RYR2: variants seen among roughly 807,000 people sequenced by gnomAD.
The protein encoded by RYR2 is ryanodine receptor 2.
A neutral mutation model predicts 601.1 loss-of-function variants in RYR2; 227 were observed. That is an observed-to-expected ratio of 0.38 (90% CI 0.34 to 0.42). The LOEUF is 0.42. Ranked by LOEUF, RYR2 falls within the 10% of genes least tolerant of loss-of-function variation. The pLI, the probability that RYR2 is intolerant of heterozygous loss-of-function variation, is 1.00. For synonymous variants in RYR2, 2,223 were observed against 2,175.1 expected (o/e 1.02, Z -0.61); for missense variants, 4,646 against 6,156.5 (o/e 0.75, Z 8.21).
chr1:237,731,377 A>C (rs540591535), intron 77 of RYR2, among the ~76,000 whole-genome samples: 1 of 152,308 alleles, frequency 6.6e-6, no homozygotes, highest in African/African-American at 2.4e-5. Flanking sequence ...ATATTTTTTA[A>C]GTTTTAAAAG....
chr1:237,674,065 A>G lies in RYR2; in HGVS notation c.8591-31A>G, dbSNP rs1159201583. On this transcript the variant is annotated intron_variant, in intron 58 of 104. Coordinates refer to ENST00000366574, the MANE Select transcript of RYR2 (RefSeq NM_001035.3). ...CATCTCAGATTCTTTTCAAATTACT[A>G]TGCTGTGTTCTTGTCCTGACATACT... 11 of 1,584,788 alleles carry G rather than the reference A, an allele frequency of 6.9e-6. No individual in the cohort carries two copies. The East Asian group carries it at 9.0e-5, about 13-fold the overall frequency.
intron 14 of RYR2, among the ~76,000 whole-genome samples, chr1:237,452,079 G>GTGTGTGTGTT (rs1185056675): frequency 5.1e-5 from 5 of 97,172 alleles, no homozygotes; most frequent in African/African-American, 1.5e-4. Flanking sequence ...ATAAAATTTT[G>GTGTGTGTGTT]TGTGTGTGTG....
chr1:237,511,552 G>C (rs1003571123), intron 23 of RYR2, 136 bp from the exon 24 acceptor site: 18 of 635,862 alleles, frequency 2.8e-5, no homozygotes, highest in Middle Eastern at 7.9e-4. Flanking sequence ...GAGAGGTTGT[G>C]GGGGCAGCTT....
At position 237,566,660 on chromosome 1, in the gene RYR2, T is replaced by A; in HGVS notation, c.3308T>A (p.Phe1103Tyr). The change falls in exon 28 of 105, where the codon TTT becomes TAT. Residue 1103 changes from phenylalanine to tyrosine, a missense_variant. Transcript: ENST00000366574. Reference sequence around the variant, plus strand: ...GCAGTGAAGGCCGGACGGTGGTATTTTGAATTTGAGACGGTCACTGCTGGA... The same window carrying A: ...GCAGTGAAGGCCGGACGGTGGTATTATGAATTTGAGACGGTCACTGCTGGA... ...TYAVKAGRWY[F>Y]EFETVTAGDM... 6.2e-7 allele frequency: 1 copy of A among 1,613,952 alleles called. No individual in the cohort carries two copies. The highest frequency in any genetic ancestry group is 1.1e-5 in the South Asian group (1 of 91,082).
chr1:237,654,154 G>A, intron 51 of RYR2, 120 bp from the exon 52 acceptor site: 1 of 1,173,296 alleles, frequency 8.5e-7, no homozygotes, highest in Non-Finnish European at 1.2e-6. Context: ...ATATGGGATT[G>A]GGCAATTTCA....
At chr1:237,522,219 TC>T (rs1289329354) in intron 24 of RYR2, among the ~76,000 whole-genome samples, 1 of 152,154 alleles carries the variant, frequency 6.6e-6, no homozygotes. Flanking sequence ...TCTTCTGGCT[TC>T]CCTGGGCCAT....
At chr1:237,117,320 T>G (rs562384949) in intron 1 of RYR2, among the ~76,000 whole-genome samples, 2 of 152,224 alleles carry the variant, frequency 1.3e-5, no homozygotes, top group South Asian at 4.2e-4. Flanking sequence ...CCTTCTCCAT[T>G]ACGCTAAGGG....
intron 16 of RYR2, among the ~76,000 whole-genome samples, chr1:237,464,805 G>A (rs1305234544): frequency 1.3e-5 from 2 of 152,090 alleles, no homozygotes; most frequent in Non-Finnish European, 2.9e-5. Flanking sequence ...TCTATCCTTG[G>A]TAGTAACTAT....
At chr1:237,148,515 TAA>T (rs372359390) in intron 1 of RYR2, among the ~76,000 whole-genome samples, 1,999 of 105,054 alleles carry the variant, frequency 0.019, 47 homozygotes, top group African/African-American at 0.067. Flanking sequence ...GAACTTCAAG[TAA>T]AAAAAAAAAA....
chr1:237,120,184 G>C (rs1170400641), intron 1 of RYR2, among the ~76,000 whole-genome samples: 1 of 151,964 alleles, frequency 6.6e-6, no homozygotes. Context: ...TTTATCAGGG[G>C]TTTTGAGAAG....
chr1:237,488,526 G>C (rs562636823), intron 17 of RYR2, among the ~76,000 whole-genome samples: 1 of 152,196 alleles, frequency 6.6e-6, no homozygotes, highest in East Asian at 1.9e-4. Flanking sequence ...CCATTGTCAG[G>C]CCTTTGAGCC....
chr1:237,189,754 G>A (rs866188624), intron 1 of RYR2, among the ~76,000 whole-genome samples: 2 of 152,136 alleles, frequency 1.3e-5, no homozygotes, highest in South Asian at 2.1e-4. Flanking sequence ...TGTGTAAGCC[G>A]CCCAGTCTAT....
At chr1:237,727,621 G>T (rs1690306243) in intron 76 of RYR2, among the ~76,000 whole-genome samples, 1 of 152,098 alleles carries the variant, frequency 6.6e-6, no homozygotes, top group Non-Finnish European at 1.5e-5. Context: ...CAGCCTTATA[G>T]AGTTGTTCAG....
At chr1:237,707,349 TC>T in intron 68 of RYR2, 80 bp downstream of exon 68, 1 of 696,812 alleles carries the variant, frequency 1.4e-6, no homozygotes, top group South Asian at 4.5e-5. Context: ...ACTAGAATTT[TC>T]CCATCACAAT....
chr1:237,831,268 G>GTAT (rs1663755716), intron 103 of RYR2, among the ~76,000 whole-genome samples: 1 of 152,136 alleles, frequency 6.6e-6, no homozygotes, highest in East Asian at 1.9e-4. Flanking sequence ...CATCAGTGTT[G>GTAT]ATTTGATTCT....
intron 100 of RYR2, among the ~76,000 whole-genome samples, chr1:237,815,620 A>G (rs781565466): frequency 3.3e-5 from 5 of 152,208 alleles, no homozygotes; most frequent in Non-Finnish European, 5.9e-5. Context: ...CTGATGTAAA[A>G]TGAAGGAGAG....
chr1:237,730,616 T>C (rs1024214476), intron 77 of RYR2, among the ~76,000 whole-genome samples: 1 of 152,100 alleles, frequency 6.6e-6, no homozygotes, highest in Non-Finnish European at 1.5e-5. Flanking sequence ...TTAAACATGA[T>C]TTAGTCTTTC....
chr1:237,116,738 G>T lies in RYR2; in HGVS notation c.48+74169G>T, dbSNP rs563778780. On this transcript the variant is annotated intron_variant, in intron 1 of 104. Coordinates refer to ENST00000366574, the MANE Select transcript of RYR2 (RefSeq NM_001035.3). ...AGGGGAGCTGATAGTGTAAATCCCA[G>T]TCCAGGGGCTAGAGAAGATGAAGTG... 1.4e-3 allele frequency among the ~76,000 whole-genome samples: 213 copies of T among 152,200 alleles called. 1 individual carries two copies. Among genetic ancestry groups the T allele is most frequent in the African/African-American group, 5.1e-3 (210 of 41,540 alleles).
chr1:237,417,829 T>A (rs1485530081), intron 11 of RYR2, among the ~76,000 whole-genome samples: 2 of 152,166 alleles, frequency 1.3e-5, no homozygotes, highest in Non-Finnish European at 2.9e-5. Flanking sequence ...AGAATTAAAA[T>A]TTTTAAAAAT....
Sources: allele counts gnomAD v4.1 joint callset (sites outside exome capture counted in the v4.1 genomes callset), GRCh38; gene constraint gnomAD v4.1.1; transcripts MANE v1.5; gene names NCBI Gene and HGNC (gene_info 2026-07-23, HGNC 2026-07-21).